Variants in HS6ST3 observed in about 807,000 individuals in gnomAD.
The protein encoded by HS6ST3 is heparan-sulfate 6-O-sulfotransferase 3.
HS6ST3 carries 12 observed loss-of-function variants against 36.7 expected under a neutral mutation model. The observed-to-expected ratio is 0.33, with a 90% CI of 0.21 to 0.53. The LOEUF (loss-of-function observed/expected upper bound fraction) is 0.53, where lower values mean the gene tolerates loss of function less well. HS6ST3 is among the 20% of genes least tolerant of loss of function. The pLI is 0.95. For missense variants in HS6ST3, 584 were observed against 640.9 expected, an observed-to-expected ratio of 0.91 and a Z score of 0.96; for synonymous variants, 240 against 257.5, an observed-to-expected ratio of 0.93 and a Z score of 0.65.
At chr13:96,552,442 G>A (rs535345736) in intron 1 of HS6ST3, among the ~76,000 whole-genome samples, 11 of 152,284 alleles carry the variant, frequency 7.2e-5, no homozygotes, top group African/African-American at 2.2e-4. Flanking sequence ...TCTGCAAGTG[G>A]TCACATCTGT....
chr13:96,546,165 T>C (rs2056196946), intron 1 of HS6ST3, among the ~76,000 whole-genome samples: 1 of 152,128 alleles, frequency 6.6e-6, no homozygotes, highest in East Asian at 1.9e-4. Context: ...ATAGTAGGTC[T>C]CAAGCTGGGC....
chr13:96,826,654 G>A (rs1347297990), intron 1 of HS6ST3, among the ~76,000 whole-genome samples: 3 of 152,140 alleles, frequency 2.0e-5, no homozygotes, highest in African/African-American at 7.2e-5. Context: ...GGATACCAAA[G>A]AGCAAAGAAA....
intron 1 of HS6ST3, among the ~76,000 whole-genome samples, chr13:96,780,831 G>A (rs1354216824): frequency 1.3e-5 from 2 of 152,024 alleles, no homozygotes; most frequent in African/African-American, 2.4e-5. Context: ...CTATGGACAA[G>A]CTGGTCTGGC....
At chr13:96,621,906 A>C (rs901329940) in intron 1 of HS6ST3, among the ~76,000 whole-genome samples, 6 of 152,210 alleles carry the variant, frequency 3.9e-5, no homozygotes, top group Non-Finnish European at 7.3e-5. Flanking sequence ...AGGAAAAGAT[A>C]GAGGTTATTA....
chr13:96,402,367 A>G (rs1312306906), intron 1 of HS6ST3, among the ~76,000 whole-genome samples: 1 of 152,220 alleles, frequency 6.6e-6, no homozygotes, highest in East Asian at 1.9e-4. Flanking sequence ...TGAATACTAT[A>G]TAAGTTTTAA....
intron 1 of HS6ST3, among the ~76,000 whole-genome samples, chr13:96,102,953 G>T (rs1305582861): frequency 2.0e-5 from 3 of 152,172 alleles, no homozygotes; most frequent in Non-Finnish European, 2.9e-5. Context: ...GTATACTCTT[G>T]CAGGATATTA....
intron 1 of HS6ST3, among the ~76,000 whole-genome samples, chr13:96,754,839 G>C (rs1384148163): frequency 1.3e-5 from 2 of 151,872 alleles, no homozygotes; most frequent in African/African-American, 4.8e-5. Context: ...TACATTTATA[G>C]TTCTCTTCAT....
chr13:96,489,919 G>T (rs2055936441), intron 1 of HS6ST3, among the ~76,000 whole-genome samples: 1 of 151,822 alleles, frequency 6.6e-6, no homozygotes, highest in African/African-American at 2.4e-5. Flanking sequence ...TCTCACTTCT[G>T]CCCTCTTCCT....
At chr13:96,679,947 A>G (rs1044947980) in intron 1 of HS6ST3, among the ~76,000 whole-genome samples, 1 of 152,068 alleles carries the variant, frequency 6.6e-6, no homozygotes, top group African/African-American at 2.4e-5. Flanking sequence ...AAGACCACAA[A>G]GATCCTGTTT....
chr13:96,507,442 A>T (rs1233884172), intron 1 of HS6ST3, among the ~76,000 whole-genome samples: 1 of 152,122 alleles, frequency 6.6e-6, no homozygotes, highest in Non-Finnish European at 1.5e-5. Flanking sequence ...GAGAGCTCTG[A>T]TCTCTGGAAG....
intron 1 of HS6ST3, among the ~76,000 whole-genome samples, chr13:96,644,527 C>T (rs1305820199): frequency 6.6e-6 from 1 of 151,978 alleles, no homozygotes; most frequent in Non-Finnish European, 1.5e-5. Context: ...CACCATTGCC[C>T]ATGGGCATGG....
chr13:96,162,653 A>G (rs1485345769), intron 1 of HS6ST3, among the ~76,000 whole-genome samples: 1 of 152,220 alleles, frequency 6.6e-6, no homozygotes, highest in Non-Finnish European at 1.5e-5. Flanking sequence ...TATTTGATAT[A>G]CAATTGTTGT....
chr13:96,558,569 AGTGTCAG>A (rs2056249884), intron 1 of HS6ST3, among the ~76,000 whole-genome samples: 1 of 152,184 alleles, frequency 6.6e-6, no homozygotes, highest in Non-Finnish European at 1.5e-5. Context: ...CAGTATGGCA[AGTGTCAG>A]GTAAGAGGGA....
chr13:96,826,843 A>C (rs79019509), intron 1 of HS6ST3, among the ~76,000 whole-genome samples: 11 of 152,186 alleles, frequency 7.2e-5, no homozygotes, highest in African/African-American at 2.7e-4. Context: ...TATTATAATT[A>C]TCAGTTAAAA....
intron 1 of HS6ST3, among the ~76,000 whole-genome samples, chr13:96,189,010 G>GT (rs2139344420): frequency 6.6e-6 from 1 of 152,124 alleles, no homozygotes; most frequent in South Asian, 2.1e-4. Context: ...TATTTATACT[G>GT]TTTTATTTGG....
intron 1 of HS6ST3, among the ~76,000 whole-genome samples, chr13:96,605,963 C>T (rs2056437321): frequency 6.6e-6 from 1 of 151,712 alleles, no homozygotes; most frequent in Non-Finnish European, 1.5e-5. Context: ...AGCCAACACA[C>T]ATGAAAAAAT....
chr13:96,776,254 A>C (rs1594857546), intron 1 of HS6ST3, among the ~76,000 whole-genome samples: 1 of 152,326 alleles, frequency 6.6e-6, no homozygotes. Context: ...TCTAAAATCA[A>C]CACCCTAACA....
intron 1 of HS6ST3, among the ~76,000 whole-genome samples, chr13:96,681,089 G>A (rs1594834760): frequency 6.6e-6 from 1 of 152,154 alleles, no homozygotes; most frequent in Admixed American, 6.6e-5. Flanking sequence ...AGTTGAAATC[G>A]TGGACTGTGC....
Position 96,551,951 on chromosome 13 carries a change from C to A in HS6ST3, c.708-280539C>A, listed in dbSNP as rs142560609. Among the ~76,000 whole-genome samples, 486 of 152,278 alleles carry A rather than the reference C, an allele frequency of 3.2e-3. 6 individuals are homozygous for A. Among genetic ancestry groups the A allele is most frequent in the African/African-American group, 0.011 (450 of 41,560 alleles). On this transcript the variant is annotated intron_variant, in intron 1 of 1. Transcript: ENST00000376705. ...CTTCAGTTTGGCTTTAATTTCTCTT[C>A]TCTGGGAGAACTGTAAACCTGCCAA...
Sources: gnomAD v4.1 joint callset for allele counts (sites outside exome capture counted in the v4.1 genomes callset) on GRCh38, gnomAD v4.1.1 for gene constraint, MANE v1.5 for transcripts, NCBI Gene and HGNC (gene_info 2026-07-23, HGNC 2026-07-21) for gene names.